The following OR4N2 variants were observed in gnomAD, a reference collection of about 807,000 sequenced individuals.
The protein encoded by OR4N2 is olfactory receptor 4N2.
For missense variants in OR4N2, 307 were observed against 377.6 expected (o/e 0.81, Z 1.55); for synonymous variants, 141 against 140.4 (o/e 1.00, Z -0.03).
At chr14:19,825,914 C>G (rs954938883) in intron 1 of OR4N2, among the ~76,000 whole-genome samples, 1 of 152,162 alleles carries the variant, frequency 6.6e-6, no homozygotes, top group Non-Finnish European at 1.5e-5. Context: ...TTAAGAATAT[C>G]CTTTTATATT....
At chr14:19,808,992 C>G (rs576836227) in intron 1 of OR4N2, among the ~76,000 whole-genome samples, 1 of 152,190 alleles carries the variant, frequency 6.6e-6, no homozygotes, top group Non-Finnish European at 1.5e-5. Context: ...TGCTCTTCAA[C>G]AAGGCTGACA....
chr14:19,818,068 C>A (rs1438004099), intron 1 of OR4N2, among the ~76,000 whole-genome samples: 1 of 152,214 alleles, frequency 6.6e-6, no homozygotes, highest in Non-Finnish European at 1.5e-5. Context: ...GTTATGATTT[C>A]TGTTCTTTTG....
intron 1 of OR4N2, among the ~76,000 whole-genome samples, chr14:19,818,548 C>A (rs1172712052): frequency 6.6e-6 from 1 of 152,180 alleles, no homozygotes; most frequent in African/African-American, 2.4e-5. Context: ...AATTTTCCTC[C>A]ATCCCTTCAT....
chr14:19,820,786 A>C (rs1879546586), intron 1 of OR4N2, among the ~76,000 whole-genome samples: 1 of 152,274 alleles, frequency 6.6e-6, no homozygotes, highest in African/African-American at 2.4e-5. Context: ...ACCCCAACCA[A>C]GCTCGAGTGT....
rs543224464 is a variant in OR4N2, at chr14:19,809,691, G to T, written c.-10+5847G>T. Among the ~76,000 whole-genome samples the T allele has an allele frequency of 2.0e-5, 3 of 152,290 alleles. No homozygotes were observed. In the South Asian group the frequency reaches 6.2e-4, roughly 32 times the overall value. On this transcript the variant is annotated intron_variant, in intron 1 of 1. Coordinates refer to ENST00000557677, the MANE Select transcript of OR4N2 (RefSeq NM_001004723.3). ...GGAACATAATGAGAGGCCAGAAATA[G>T]TGCTGCACACCTATAACTATCTGAA...
chr14:19,825,619 G>A lies in OR4N2; in HGVS notation c.-9-1821G>A, dbSNP rs183127628. Among the ~76,000 whole-genome samples, 1,351 of 151,934 alleles carry A rather than the reference G, an allele frequency of 8.9e-3. 1 individual carries two copies. Among genetic ancestry groups the A allele is most frequent in the African/African-American group, 0.026 (1,057 of 41,364 alleles). ...CGCCCAGGCTGGAGTGCAGTGGCGC[G>A]ATCTCGGCTCACTGAAAGCTCTGCC... On this transcript the variant is annotated intron_variant, in intron 1 of 1. Transcript: ENST00000557677.
At chr14:19,806,741 C>G (rs1178508081) in intron 1 of OR4N2, among the ~76,000 whole-genome samples, 1 of 152,172 alleles carries the variant, frequency 6.6e-6, no homozygotes, top group Non-Finnish European at 1.5e-5. Flanking sequence ...ACACTCCACC[C>G]AACAACCATG....
At chr14:19,827,186 T>C (rs536610932) in intron 1 of OR4N2, among the ~76,000 whole-genome samples, 56 of 152,362 alleles carry the variant, frequency 3.7e-4, no homozygotes, top group African/African-American at 1.2e-3. Flanking sequence ...ACCCCTAACA[T>C]GGAAAATGAT....
chr14:19,812,660 T>G (rs1187475523), intron 1 of OR4N2, among the ~76,000 whole-genome samples: 1 of 152,212 alleles, frequency 6.6e-6, no homozygotes, highest in Non-Finnish European at 1.5e-5. Context: ...GCCCAGCCAT[T>G]TTTTGACTTT....
chr14:19,822,389 T>C (rs1262573382), intron 1 of OR4N2: 1 of 152,252 alleles, frequency 6.6e-6, no homozygotes, highest in Non-Finnish European at 1.5e-5. Flanking sequence ...AGAGAAAAAC[T>C]TAACAGATTT....
rs1237773316 is a variant in OR4N2, at chr14:19,828,158, T to C, written c.710T>C (p.Met237Thr). ...TCTTCTGAGGCAAAAAACAAGGCCA[T>C]GTCCACGTGCATCACCCATATCATT... ...GSSSEAKNKAMSTCITHIIVI... is the reference protein window; with the variant it reads ...GSSSEAKNKATSTCITHIIVI... Residue 237 changes from methionine (M) to threonine (T), a missense_variant, in exon 2 of 2, where the codon ATG becomes ACG. Coordinates refer to ENST00000557677, the MANE Select transcript of OR4N2 (RefSeq NM_001004723.3). 2 of 1,614,136 alleles carry C rather than the reference T, an allele frequency of 1.2e-6. No individual in the cohort carries two copies. Among genetic ancestry groups the C allele is most frequent in the African/African-American group, 2.7e-5 (2 of 74,942 alleles).
intron 1 of OR4N2, among the ~76,000 whole-genome samples, chr14:19,817,055 T>C (rs1161203939): frequency 1.3e-5 from 2 of 152,232 alleles, no homozygotes; most frequent in Non-Finnish European, 2.9e-5. Context: ...TTGATCATGG[T>C]GGATAAGCTT....
At chr14:19,805,218 G>A (rs758441123) in intron 1 of OR4N2, among the ~76,000 whole-genome samples, 45 of 152,278 alleles carry the variant, frequency 3.0e-4, no homozygotes, top group Middle Eastern at 3.4e-3. Flanking sequence ...AGGTTAGATT[G>A]TGTGTTTCCC....
chr14:19,824,413 A>G (rs1271262151), intron 1 of OR4N2, among the ~76,000 whole-genome samples: 1 of 152,242 alleles, frequency 6.6e-6, no homozygotes, highest in Non-Finnish European at 1.5e-5. Flanking sequence ...AGAATGGAAG[A>G]GCTTATAACC....
At chr14:19,814,584 A>C (rs1879379581) in intron 1 of OR4N2, among the ~76,000 whole-genome samples, 2 of 152,260 alleles carry the variant, frequency 1.3e-5, no homozygotes, top group African/African-American at 4.8e-5. Flanking sequence ...ACAAAGTACC[A>C]AATTTTAAGC....
intron 1 of OR4N2, among the ~76,000 whole-genome samples, chr14:19,823,712 G>A (rs962779888): frequency 6.7e-6 from 1 of 149,690 alleles, no homozygotes; most frequent in Non-Finnish European, 1.5e-5. Flanking sequence ...AATATTTAAA[G>A]AGAACAAAAT....
intron 1 of OR4N2, among the ~76,000 whole-genome samples, chr14:19,808,823 G>GAAAAAA (rs35794180): frequency 6.7e-6 from 1 of 149,380 alleles, no homozygotes; most frequent in Non-Finnish European, 1.5e-5. Flanking sequence ...CAGAAATATT[G>GAAAAAA]AAAAAAAAAA....
chr14:19,821,172 G>A (rs1879556115), intron 1 of OR4N2, among the ~76,000 whole-genome samples: 1 of 152,258 alleles, frequency 6.6e-6, no homozygotes. Context: ...GGCTTCCCTT[G>A]GCTGGGGAGG....
intron 1 of OR4N2, among the ~76,000 whole-genome samples, chr14:19,814,935 T>A (rs1457685727): frequency 6.6e-6 from 1 of 152,246 alleles, no homozygotes; most frequent in Non-Finnish European, 1.5e-5. Context: ...GGTTTTCTGT[T>A]CCTGTGTTAG....
Sources: allele counts gnomAD v4.1 joint callset (sites outside exome capture counted in the v4.1 genomes callset), GRCh38; gene constraint gnomAD v4.1.1; transcripts MANE v1.5; gene names NCBI Gene and HGNC (gene_info 2026-07-23, HGNC 2026-07-21).